The following C12orf42 variants were observed in gnomAD, a reference collection of about 807,000 sequenced individuals.
C12orf42 encodes the protein uncharacterized protein C12orf42.
Under a neutral mutation model 21.6 loss-of-function variants are expected in C12orf42, and 25 were observed. That is an observed-to-expected ratio of 1.16 (90% CI 0.84 to 1.62). The LOEUF (loss-of-function observed/expected upper bound fraction) is 1.62, where lower values mean the gene tolerates loss of function less well. Among genes scored for constraint, C12orf42 ranks in the 40% most tolerant of loss-of-function variants. The pLI is 0.00. For synonymous variants in C12orf42, 174 were observed against 175.0 expected, an observed-to-expected ratio of 0.99 and a Z score of 0.05; for missense variants, 483 against 459.3, an observed-to-expected ratio of 1.05 and a Z score of -0.47.
intron 10 of C12orf42, among the ~76,000 whole-genome samples, chr12:103,243,659 C>T (rs2033865892): frequency 6.6e-6 from 1 of 152,046 alleles, no homozygotes; most frequent in African/African-American, 2.4e-5. Flanking sequence ...GTTAGCAAAA[C>T]TCTATCCACA....
the C12orf42 span, among the ~76,000 whole-genome samples, chr12:103,069,081 C>T: frequency 2.9e-4 from 43 of 148,874 alleles, 1 homozygote; most frequent in South Asian, 6.8e-3. Flanking sequence ...TCTCTGACTC[C>T]GCTTAGATAT....
chr12:103,364,317 T>C (rs1351510212), intron 4 of C12orf42, among the ~76,000 whole-genome samples: 1 of 151,912 alleles, frequency 6.6e-6, no homozygotes, highest in Non-Finnish European at 1.5e-5. Flanking sequence ...ACACAACCCA[T>C]AAAAATCTCT....
the C12orf42 span, among the ~76,000 whole-genome samples, chr12:103,059,042 G>A: frequency 6.6e-6 from 1 of 152,070 alleles, no homozygotes; most frequent in Non-Finnish European, 1.5e-5. Flanking sequence ...CCAGGAGCTT[G>A]TTCTTTGAAA....
chr12:103,529,984 C>T, the C12orf42 span, among the ~76,000 whole-genome samples: 1 of 152,072 alleles, frequency 6.6e-6, no homozygotes, highest in Non-Finnish European at 1.5e-5. Flanking sequence ...TCTTAATCGC[C>T]CTGTCTTCAT....
chr12:103,203,234 G>A, the C12orf42 span, among the ~76,000 whole-genome samples: 1 of 152,182 alleles, frequency 6.6e-6, no homozygotes, highest in Non-Finnish European at 1.5e-5. Flanking sequence ...TGCAACTTGA[G>A]AGAGGGAGCT....
rs1453869045 is a variant in C12orf42 at position 103,322,122 on chromosome 12, C to T, written c.260-15777G>A. ...GTGCACGCGCGTGCGTGCGCGCGCG[C>T]GCGCACACACACACACACACACACA... On this transcript the variant is annotated intron_variant, in intron 4 of 5. Transcript: ENST00000548883. 2.8e-3 allele frequency among the ~76,000 whole-genome samples: 179 copies of T among 64,112 alleles called. 2 individuals are homozygous for T. The highest frequency in any genetic ancestry group is 0.015 in the African/African-American group (165 of 10,868). The allele number at this position is 64,112 out of a possible 152,430, so 42.1% of individuals were successfully genotyped here.
chr12:103,320,989 A>G (rs960940937), intron 4 of C12orf42, among the ~76,000 whole-genome samples: 1 of 152,214 alleles, frequency 6.6e-6, no homozygotes, highest in South Asian at 2.1e-4. Context: ...ACGCTCTGTG[A>G]GTGTTCTATA....
At chr12:103,283,033 C>A (rs1471765116) in intron 4 of C12orf42, among the ~76,000 whole-genome samples, 3 of 152,178 alleles carry the variant, frequency 2.0e-5, no homozygotes, top group Non-Finnish European at 4.4e-5. Flanking sequence ...CCTAACAGAT[C>A]CTGGCCCAAA....
the C12orf42 span, among the ~76,000 whole-genome samples, chr12:103,088,535 T>C: frequency 6.6e-6 from 1 of 152,190 alleles, no homozygotes; most frequent in African/African-American, 2.4e-5. Flanking sequence ...AAATCAGTGG[T>C]AGAGAAAAGT....
intron 2 of C12orf42, among the ~76,000 whole-genome samples, chr12:103,409,514 G>A (rs1436910908): frequency 6.6e-6 from 1 of 152,096 alleles, no homozygotes; most frequent in Non-Finnish European, 1.5e-5. Flanking sequence ...GAGGACAGGA[G>A]ACAAGGAAGG....
chr12:103,206,612 G>C, the C12orf42 span, among the ~76,000 whole-genome samples: 3 of 152,012 alleles, frequency 2.0e-5, no homozygotes, highest in Non-Finnish European at 2.9e-5. Context: ...ATTAACTTAA[G>C]AGATGGGGTC....
chr12:103,184,341 T>C, the C12orf42 span, among the ~76,000 whole-genome samples: 102 of 152,380 alleles, frequency 6.7e-4, no homozygotes, highest in African/African-American at 2.3e-3. Flanking sequence ...AAGTCTACTT[T>C]ATCAGGTGTT....
intron 10 of C12orf42, among the ~76,000 whole-genome samples, chr12:103,242,802 T>C (rs2033813859): frequency 6.6e-6 from 1 of 152,160 alleles, no homozygotes; most frequent in Non-Finnish European, 1.5e-5. Flanking sequence ...CAAAAACATA[T>C]TTTTAGTAAT....
chr12:103,092,230 G>A, the C12orf42 span, among the ~76,000 whole-genome samples: 3 of 152,310 alleles, frequency 2.0e-5, no homozygotes, highest in East Asian at 1.9e-4. Context: ...GGAAGTAAAC[G>A]AGTTGTTTGT....
chr12:103,236,182 G>T (rs2033461386), downstream of C12orf42, among the ~76,000 whole-genome samples: 1 of 152,042 alleles, frequency 6.6e-6, no homozygotes, highest in African/African-American at 2.4e-5. Flanking sequence ...TTGTGAACCT[G>T]GTGTGTATTC....
At chr12:103,172,325 C>T in the C12orf42 span, among the ~76,000 whole-genome samples, 1 of 152,086 alleles carries the variant, frequency 6.6e-6, no homozygotes, top group African/African-American at 2.4e-5. Context: ...GGTGAAGTAA[C>T]TAAGTGACAA....
At chr12:103,506,332 C>CAA in the C12orf42 span, among the ~76,000 whole-genome samples, 8 of 121,886 alleles carry the variant, frequency 6.6e-5, no homozygotes, top group African/African-American at 2.4e-4. Context: ...CAAAACAAAA[C>CAA]AAAAAAAAAA....
chr12:103,089,101 C>CA, the C12orf42 span, among the ~76,000 whole-genome samples: 1,239 of 54,334 alleles, frequency 0.023, 80 homozygotes, highest in East Asian at 0.13. Context: ...GACTCCATCT[C>CA]AAAAAAAAAA....
intron 5 of C12orf42, among the ~76,000 whole-genome samples, chr12:103,274,885 C>T (rs540219583): frequency 1.3e-5 from 2 of 152,260 alleles, no homozygotes; most frequent in South Asian, 4.1e-4. Context: ...AGTTTTCGAG[C>T]TCCTAACTGA....
Sources: gnomAD v4.1 joint callset for allele counts (sites outside exome capture counted in the v4.1 genomes callset) on GRCh38, gnomAD v4.1.1 for gene constraint, MANE v1.5 for transcripts, NCBI Gene and HGNC (gene_info 2026-07-23, HGNC 2026-07-21) for gene names.